GLG1: variants seen among roughly 807,000 people sequenced by gnomAD.
GLG1 encodes golgi glycoprotein 1.
GLG1 carries 38 observed loss-of-function variants against 160.5 expected under a neutral mutation model. The ratio of observed to expected loss-of-function variants is 0.24; its 90% CI spans 0.18 to 0.31. GLG1 has a LOEUF of 0.31. Among genes scored for constraint, GLG1 ranks in the 10% least tolerant of loss-of-function variants. The pLI is 1.00. For missense variants in GLG1, 1,373 were observed against 1,505.2 expected (o/e 0.91, Z 1.45); for synonymous variants, 644 against 543.4 (o/e 1.19, Z -2.57).
chr16:74,471,879 G>A (rs952167726), intron 14 of GLG1, among the ~76,000 whole-genome samples: 7 of 150,040 alleles, frequency 4.7e-5, no homozygotes, highest in African/African-American at 1.7e-4. Flanking sequence ...ACAGGTTCCA[G>A]GATGGTAGCA....
At chr16:74,598,362 A>C (rs1958354710) in intron 1 of GLG1, among the ~76,000 whole-genome samples, 1 of 151,774 alleles carries the variant, frequency 6.6e-6, no homozygotes, top group African/African-American at 2.4e-5. Context: ...TCTACTAAAA[A>C]TACAAAAAAT....
At position 74,453,024 on chromosome 16, in the gene GLG1, G is replaced by T; in HGVS notation, c.*143C>A. Reference sequence around the variant, plus strand: ...CATGGACACGAGTGGAGGCTGGATGGGACAACGCAGTGGACATCTGCTAAT... The same window carrying T: ...CATGGACACGAGTGGAGGCTGGATGTGACAACGCAGTGGACATCTGCTAAT... On this transcript the variant is annotated 3_prime_UTR_variant, in exon 26 of 26. Coordinates refer to ENST00000422840, the MANE Select transcript of GLG1 (RefSeq NM_001145667.2). 7.0e-7 allele frequency: 1 copy of T among 1,434,790 alleles called. No homozygotes were observed. Among genetic ancestry groups the T allele is most frequent in the South Asian group, 1.6e-5 (1 of 60,764 alleles). The allele number at this position is 1,434,790 out of a possible 1,614,324, so 88.9% of individuals were successfully genotyped here. A position where few individuals can be genotyped will look rare whatever the true frequency, so the allele number is the denominator to read the frequency against.
intron 8 of GLG1, 92 bp from the exon 9 acceptor site, chr16:74,486,009 T>C: frequency 1.0e-6 from 1 of 953,904 alleles, no homozygotes; most frequent in South Asian, 1.5e-5. Flanking sequence ...TCAGTCCTAT[T>C]TACCACAATG....
intron 12 of GLG1, among the ~76,000 whole-genome samples, chr16:74,477,183 A>G (rs541326153): frequency 6.6e-6 from 1 of 152,204 alleles, no homozygotes; most frequent in Non-Finnish European, 1.5e-5. Flanking sequence ...AATAACTATA[A>G]TGCAAACACA....
chr16:74,577,988 T>C (rs1436650657), intron 1 of GLG1, among the ~76,000 whole-genome samples: 1 of 151,958 alleles, frequency 6.6e-6, no homozygotes, highest in African/African-American at 2.4e-5. Flanking sequence ...GCCTGGACAG[T>C]AGAGAAAGAC....
chr16:74,496,607 T>G lies in GLG1; in HGVS notation c.812A>C (p.Glu271Ala). 1 of 1,613,180 alleles carries G rather than the reference T, an allele frequency of 6.2e-7. No individual in the cohort carries two copies. The highest frequency in any genetic ancestry group is 1.1e-5 in the South Asian group (1 of 91,058). ...TTCTGCTTCTTTCACCAGGCCTTTC[T>G]CCAAGCATGATACCACCTCACCTTG... Reference protein sequence around the residue: ...HSQGEVVSCLEKGLVKEAEER... With the variant: ...HSQGEVVSCLAKGLVKEAEER... Residue 271 changes from glutamate to alanine, a missense_variant, in exon 5 of 26, where the codon GAG (glutamate) becomes GCG (alanine). By Grantham distance (107) the Glu-to-Ala change is moderately radical. This residue lies in a region of GLG1 where 174 missense variants were observed against 229.9 expected (regional missense o/e 0.76). Coordinates refer to ENST00000422840, the MANE Select transcript of GLG1 (RefSeq NM_001145667.2).
chr16:74,459,332 G>C (rs1482096813), intron 23 of GLG1, among the ~76,000 whole-genome samples: 1 of 152,164 alleles, frequency 6.6e-6, no homozygotes, highest in African/African-American at 2.4e-5. Context: ...CAGAAAATTA[G>C]TCAGGCGTGG....
chr16:74,564,671 A>G (rs2018600567), intron 1 of GLG1, among the ~76,000 whole-genome samples: 1 of 152,212 alleles, frequency 6.6e-6, no homozygotes, highest in Non-Finnish European at 1.5e-5. Context: ...TGAGAACCTG[A>G]CCAAAAAGGC....
At position 74,480,253 on chromosome 16, in the gene GLG1, T is replaced by A. The variant is rs147344844; in HGVS notation, c.1815A>T (p.Glu605Asp). 1.2e-6 allele frequency: 2 copies of A among 1,610,852 alleles called. No individual in the cohort carries two copies. The highest frequency in any genetic ancestry group is 1.7e-6 in the Non-Finnish European group (2 of 1,177,302). ...ATTCACTGCATACCCTCCTTCCCTG[T>A]TCCTCAGTGCGGTAGGCGTGTCTGT... ...CLYRHAYRTE[E>D]QGRRLSRECR... The change falls in exon 11 of 26, where the codon GAA becomes GAT. Residue 605 changes from glutamate (E) to aspartate (D), a missense_variant. This residue lies in a region of GLG1 where 386 missense variants were observed against 388.5 expected (regional missense o/e 0.99). Coordinates refer to ENST00000422840, the MANE Select transcript of GLG1 (RefSeq NM_001145667.2).
intron 1 of GLG1, among the ~76,000 whole-genome samples, chr16:74,564,389 G>A (rs1000445162): frequency 6.6e-6 from 1 of 152,160 alleles, no homozygotes; most frequent in Non-Finnish European, 1.5e-5. Flanking sequence ...TCTGGCTAAG[G>A]AGCATACTCC....
intron 20 of GLG1, 189 bp from the exon 21 acceptor site, chr16:74,462,819 G>A (rs143486371): frequency 1.2e-5 from 7 of 608,152 alleles, no homozygotes; most frequent in African/African-American, 5.5e-5. Context: ...TTGTTAACGA[G>A]TACTTCTGGA....
intron 1 of GLG1, among the ~76,000 whole-genome samples, chr16:74,581,519 AT>A (rs1957936692): frequency 7.7e-6 from 1 of 130,634 alleles, no homozygotes; most frequent in Non-Finnish European, 1.6e-5. Context: ...GATTATGGAG[AT>A]TCAATGTAAG....
intron 2 of GLG1, among the ~76,000 whole-genome samples, chr16:74,517,119 G>C (rs939803187): frequency 6.6e-6 from 1 of 152,182 alleles, no homozygotes; most frequent in Admixed American, 6.5e-5. Context: ...AATTCTACCA[G>C]AGGTACAAAG....
In GLG1 at chr16:74,540,001, ATATATATATTTTATATATATATAT is replaced by A. The variant is rs2017791810; in HGVS notation, c.439-7872_439-7849del. Among the ~76,000 whole-genome samples, 2 of 910 alleles carry A rather than the reference ATATATATATTTTATATATATATAT, an allele frequency of 2.2e-3. 1 individual carries two copies. Among genetic ancestry groups the A allele is most frequent in the Non-Finnish European group, 0.014 (2 of 142 alleles). The allele number at this position is 910 out of a possible 152,430, so 0.6% of individuals were successfully genotyped here. A position where few individuals can be genotyped will look rare whatever the true frequency, so the allele number is the denominator to read the frequency against. Reference sequence around the variant, plus strand: ...AAATACAAATATATATATATTTTATATATATATATTTTATATATATATATTATATATATTTTATATATATATTAT... The same window carrying A: ...AAATACAAATATATATATATTTTATATATATATATTTTATATATATATTAT... On this transcript the variant is annotated intron_variant, in intron 1 of 25. Transcript: ENST00000422840.
chr16:74,545,769 T>C (rs142511447), intron 1 of GLG1, among the ~76,000 whole-genome samples: 195 of 152,308 alleles, frequency 1.3e-3, no homozygotes, highest in African/African-American at 4.4e-3. Context: ...CAAGAGGGTA[T>C]TGGTTAACTA....
chr16:74,552,477 G>T lies in GLG1; in HGVS notation c.439-20324C>A, dbSNP rs141381755. On this transcript the variant is annotated intron_variant, in intron 1 of 25. Transcript: ENST00000422840. ...TTCTACTGGTACCTTACCAACGACTGTATCCAGTATCTCTGATTACCTCCA... is the reference window on the plus strand; with the variant it reads ...TTCTACTGGTACCTTACCAACGACTTTATCCAGTATCTCTGATTACCTCCA... 55 of 485,268 alleles carry T rather than the reference G, an allele frequency of 1.1e-4. No homozygotes were observed. The East Asian group carries it at 2.0e-3, about 17-fold the overall frequency. 30.1% of individuals were successfully genotyped at this position (485,268 alleles called of 1,614,324 possible).
At chr16:74,489,198 T>C (rs556216616) in intron 8 of GLG1, among the ~76,000 whole-genome samples, 1 of 152,178 alleles carries the variant, frequency 6.6e-6, no homozygotes, top group South Asian at 2.1e-4. Context: ...AGGCCGGGCA[T>C]GGTGGCTTAC....
At chr16:74,503,809 C>T in intron 3 of GLG1, 63 bp from the exon 4 acceptor site, 1 of 1,070,184 alleles carries the variant, frequency 9.3e-7, no homozygotes, top group Non-Finnish European at 1.4e-6. Context: ...CAATATTTAT[C>T]AAAGAGAAAA....
rs756644056 is a variant in GLG1, at chr16:74,469,033, G to A, written c.2349C>T (p.Thr783=). The change falls in exon 17 of 26, where the codon ACC becomes ACT. Residue 783 remains threonine, a synonymous_variant. Coordinates refer to ENST00000422840, the MANE Select transcript of GLG1 (RefSeq NM_001145667.2). The part of the protein sequence containing the change: ...KVDVVICLST[T]VRNDTLQEAK... ...CTTCCTGCAGAGTGTCATTGCGCAC[G>A]GTCGTGCTCAGGCAGATCACCACGT... 15 of 1,613,872 alleles carry A rather than the reference G, an allele frequency of 9.3e-6. No individual in the cohort carries two copies. The highest frequency in any genetic ancestry group is 4.4e-5 in the South Asian group (4 of 91,086).
Sources: gnomAD v4.1 joint callset for allele counts (sites outside exome capture counted in the v4.1 genomes callset) on GRCh38, gnomAD v4.1.1 for gene constraint, gnomAD v4.1.1 regional missense constraint, MANE v1.5 for transcripts, NCBI Gene and HGNC (gene_info 2026-07-23, HGNC 2026-07-21) for gene names.